GPR158: variants seen among roughly 807,000 people sequenced by gnomAD.
GPR158 encodes metabotropic glycine receptor.
In GPR158, 30 loss-of-function variants were observed where a neutral mutation model predicts 78.2. The ratio of observed to expected loss-of-function variants is 0.38; its 90% CI spans 0.29 to 0.52. The LOEUF (loss-of-function observed/expected upper bound fraction) is 0.52, where lower values mean the gene tolerates loss of function less well. Among genes scored for constraint, GPR158 ranks in the 20% least tolerant of loss-of-function variants. The pLI is 0.83. For synonymous variants in GPR158, 581 were observed against 591.1 expected (o/e 0.98, Z 0.25); for missense variants, 1,463 against 1,523.5 (o/e 0.96, Z 0.66).
chr10:25,327,105 A>G (rs72796129), intron 2 of GPR158, among the ~76,000 whole-genome samples: 8 of 152,188 alleles, frequency 5.3e-5, no homozygotes, highest in African/African-American at 1.2e-4. Flanking sequence ...TTAATTGTCA[A>G]TTGCACCTTA....
At chr10:25,234,180 A>G (rs1255612128) in intron 2 of GPR158, among the ~76,000 whole-genome samples, 1 of 152,014 alleles carries the variant, frequency 6.6e-6, no homozygotes, top group Admixed American at 6.6e-5. Flanking sequence ...CCTTAATTCC[A>G]CTTCCTGGTT....
Position 25,319,644 on chromosome 10 carries a change from G to T in GPR158, c.1009-76267G>T, listed in dbSNP as rs956836153. On this transcript the variant is annotated intron_variant, in intron 2 of 10. Transcript: ENST00000376351. ...GGTCAATTTTATCTAAAACATAAAA[G>T]AACATTATAATTAAGATAAATAGTT... 3.3e-5 allele frequency among the ~76,000 whole-genome samples: 5 copies of T among 152,070 alleles called. No individual in the cohort carries two copies. In the East Asian group the frequency reaches 7.7e-4, roughly 23 times the overall value.
At chr10:25,433,536 G>GTGTGTGTGTGTGTGTGTGTGTGT (rs150589257) in intron 4 of GPR158, among the ~76,000 whole-genome samples, 2 of 131,890 alleles carry the variant, frequency 1.5e-5, no homozygotes, top group African/African-American at 6.2e-5. Flanking sequence ...TTAGGGGTGT[G>GTGTGTGTGTGTGTGTGTGTGTGT]TGTGTGTGTG....
intron 5 of GPR158, among the ~76,000 whole-genome samples, chr10:25,493,288 A>G (rs1456863052): frequency 2.0e-5 from 3 of 152,186 alleles, no homozygotes; most frequent in Non-Finnish European, 2.9e-5. Context: ...GTCTGACTTC[A>G]GCATTACTCA....
intron 2 of GPR158, among the ~76,000 whole-genome samples, chr10:25,357,348 A>C (rs1855568397): frequency 6.6e-6 from 1 of 152,142 alleles, no homozygotes; most frequent in African/African-American, 2.4e-5. Context: ...TGAGGAGCCA[A>C]ATGTTAATCC....
At chr10:25,265,951 G>C (rs904903767) in intron 2 of GPR158, among the ~76,000 whole-genome samples, 1 of 152,108 alleles carries the variant, frequency 6.6e-6, no homozygotes, top group Non-Finnish European at 1.5e-5. Flanking sequence ...GCTTTACATT[G>C]CCGACTGGGT....
At chr10:25,440,691 AG>A (rs1835055978) in intron 4 of GPR158, among the ~76,000 whole-genome samples, 2 of 152,206 alleles carry the variant, frequency 1.3e-5, no homozygotes, top group South Asian at 4.1e-4. Flanking sequence ...AGATAAGTGC[AG>A]GATTTTTGAG....
At chr10:25,403,935 T>G (rs1361841651) in intron 3 of GPR158, among the ~76,000 whole-genome samples, 2 of 152,018 alleles carry the variant, frequency 1.3e-5, no homozygotes, top group Non-Finnish European at 2.9e-5. Flanking sequence ...GTGCTAAGTG[T>G]ATAAAGAGAT....
chr10:25,478,271 C>T (rs1184222354), intron 5 of GPR158, among the ~76,000 whole-genome samples: 1 of 152,120 alleles, frequency 6.6e-6, no homozygotes, highest in Non-Finnish European at 1.5e-5. Flanking sequence ...ATCTTTGCTA[C>T]AGTAAACACC....
At chr10:25,329,327 C>G (rs1213856313) in intron 2 of GPR158, among the ~76,000 whole-genome samples, 2 of 151,442 alleles carry the variant, frequency 1.3e-5, no homozygotes, top group Non-Finnish European at 2.9e-5. Flanking sequence ...GTAGTCCCAG[C>G]TACTCAGGAG....
intron 1 of GPR158, among the ~76,000 whole-genome samples, chr10:25,198,780 T>A (rs930568117): frequency 6.6e-6 from 1 of 152,134 alleles, no homozygotes; most frequent in African/African-American, 2.4e-5. Context: ...TTGCGTTCAG[T>A]CATCAATGGG....
rs1007396324 is a variant in GPR158, at chr10:25,217,850, A to G, written c.903-3202A>G. On this transcript the variant is annotated intron_variant, in intron 1 of 10. Coordinates refer to ENST00000376351, the MANE Select transcript of GPR158 (RefSeq NM_020752.3). ...AGGTGTTTAGGGGATCCGATTTGCT[A>G]TATTTTCCATTCTCTGGAGGCCACT... 4.6e-5 allele frequency among the ~76,000 whole-genome samples: 7 copies of G among 152,026 alleles called. No individual in the cohort carries two copies. The East Asian group carries it at 9.7e-4, about 21-fold the overall frequency.
rs1382718379 is a variant in GPR158 at position 25,391,286 on chromosome 10, A to AC, written c.1009-4623dup. Among the ~76,000 whole-genome samples the AC allele has an allele frequency of 3.9e-5, 6 of 152,180 alleles. No homozygotes were observed. The East Asian group carries it at 1.2e-3, about 29-fold the overall frequency. ...CTAGTGGAGCTGTGAGAAGAGGACC[A>AC]CCATCCTCCAGATCTCAGAATGGTA... is the stretch of plus-strand genomic sequence containing the variant. On this transcript the variant is annotated intron_variant, in intron 2 of 10. Transcript: ENST00000376351.
intron 7 of GPR158, among the ~76,000 whole-genome samples, chr10:25,584,109 A>G (rs1436552040): frequency 7.3e-6 from 1 of 137,040 alleles, no homozygotes; most frequent in Non-Finnish European, 1.6e-5. Context: ...GATTAAAAAG[A>G]CTTCAGTTTC....
intron 2 of GPR158, among the ~76,000 whole-genome samples, chr10:25,280,189 A>G (rs534651752): frequency 6.6e-6 from 1 of 152,328 alleles, no homozygotes; most frequent in South Asian, 2.1e-4. Context: ...GACAGATTGC[A>G]TTAAAAATAC....
At chr10:25,314,755 C>T (rs61018097) in intron 2 of GPR158, among the ~76,000 whole-genome samples, 29,317 of 147,328 alleles carry the variant, frequency 0.2, 4,955 homozygotes, top group African/African-American at 0.47. Context: ...ATCAAGTTTA[C>T]GACTATAAAT....
intron 3 of GPR158, among the ~76,000 whole-genome samples, chr10:25,402,160 G>A (rs990880234): frequency 3.3e-5 from 5 of 152,082 alleles, no homozygotes; most frequent in South Asian, 2.1e-4. Flanking sequence ...TATTTTTATC[G>A]TGTTCCTGCC....
At chr10:25,279,938 G>A (rs1353777977) in intron 2 of GPR158, among the ~76,000 whole-genome samples, 1 of 150,486 alleles carries the variant, frequency 6.6e-6, no homozygotes, top group Non-Finnish European at 1.5e-5. Context: ...TTTTGTGCCT[G>A]GCAAAGTTTA....
At chr10:25,582,112 G>T (rs1212149431) in intron 7 of GPR158, among the ~76,000 whole-genome samples, 1 of 152,122 alleles carries the variant, frequency 6.6e-6, no homozygotes, top group African/African-American at 2.4e-5. Flanking sequence ...CCCATGGTGG[G>T]GTGGGGGGTC....
Sources: gnomAD v4.1 joint callset for allele counts (sites outside exome capture counted in the v4.1 genomes callset) on GRCh38, gnomAD v4.1.1 for gene constraint, MANE v1.5 for transcripts, NCBI Gene and HGNC (gene_info 2026-07-23, HGNC 2026-07-21) for gene names.